The following ICA1L variants were observed in gnomAD, a reference collection of about 807,000 sequenced individuals.
ICA1L encodes the protein islet cell autoantigen 1 like.
A neutral mutation model predicts 61.3 loss-of-function variants in ICA1L; 50 were observed. The observed-to-expected ratio is 0.82, with a 90% confidence interval of 0.65 to 1.03. The LOEUF (loss-of-function observed/expected upper bound fraction) is 1.03, where lower values mean the gene tolerates loss of function less well. ICA1L is among the 50% of genes least tolerant of loss of function. The pLI, the probability that ICA1L is intolerant of heterozygous loss-of-function variation, is 0.00. For synonymous variants in ICA1L, 161 were observed against 191.3 expected (o/e 0.84, Z 1.31); for missense variants, 508 against 556.7 (o/e 0.91, Z 0.88).
chr2:202,826,824 G>A (rs1238233820), intron 2 of ICA1L, among the ~76,000 whole-genome samples: 1 of 151,584 alleles, frequency 6.6e-6, no homozygotes, highest in Non-Finnish European at 1.5e-5. Context: ...AGTTCAAGAA[G>A]ACCTTGGTAC....
At chr2:202,779,732 T>A in intron 12 of ICA1L, 84 bp from the exon 13 acceptor site, 1 of 729,306 alleles carries the variant, frequency 1.4e-6, no homozygotes, top group Non-Finnish European at 2.3e-6. Context: ...TTGAAGTAGG[T>A]GCTTCTTTTG....
At chr2:202,827,687 TC>T (rs1402798108) in intron 2 of ICA1L, among the ~76,000 whole-genome samples, 1 of 152,158 alleles carries the variant, frequency 6.6e-6, no homozygotes. Context: ...TGGAACAAGT[TC>T]CTGTTGCGTT....
intron 3 of ICA1L, among the ~76,000 whole-genome samples, chr2:202,824,195 G>A (rs1693771888): frequency 6.6e-6 from 1 of 152,090 alleles, no homozygotes; most frequent in Non-Finnish European, 1.5e-5. Context: ...GAGGATAGGA[G>A]TTCAAGACCA....
At chr2:202,799,133 G>T (rs1693022830) in intron 9 of ICA1L, among the ~76,000 whole-genome samples, 1 of 152,106 alleles carries the variant, frequency 6.6e-6, no homozygotes, top group East Asian at 1.9e-4. Context: ...TCTTTGGATA[G>T]ATAACCACTA....
chr2:202,819,863 T>C lies in ICA1L; in HGVS notation c.396A>G (p.Gln132=). Residue 132 remains glutamine, a synonymous_variant, in exon 5 of 13, where the codon CAA becomes CAG. Coordinates refer to ENST00000358299, the MANE Select transcript of ICA1L (RefSeq NM_001288622.3). ...CCCTTTGACTGAATGTTGCTACTTC[T>C]TGCTTCAGACGAGACAGAGGAGTAC... The part of the protein sequence containing the change: ...ALCTPLSRLK[Q]EVATFSQRAV... 6.2e-7 allele frequency: 1 copy of C among 1,614,176 alleles called. No homozygotes were observed. Among genetic ancestry groups the C allele is most frequent in the Non-Finnish European group, 8.5e-7 (1 of 1,180,024 alleles).
At chr2:202,842,130 C>T (rs911373761) in intron 1 of ICA1L, among the ~76,000 whole-genome samples, 1 of 152,206 alleles carries the variant, frequency 6.6e-6, no homozygotes, top group Non-Finnish European at 1.5e-5. Flanking sequence ...GCTGGGATTA[C>T]AGGCATGGGC....
intron 9 of ICA1L, among the ~76,000 whole-genome samples, chr2:202,797,182 C>T (rs1463166949): frequency 8.4e-6 from 1 of 119,686 alleles, no homozygotes; most frequent in Non-Finnish European, 1.9e-5. Context: ...ATAAATGAAA[C>T]ATAATACCAG....
At chr2:202,868,230 A>G (rs943944015) in intron 1 of ICA1L, among the ~76,000 whole-genome samples, 1 of 152,242 alleles carries the variant, frequency 6.6e-6, no homozygotes, top group Non-Finnish European at 1.5e-5. Context: ...AACAAAAAAA[A>G]ACTTTTGATA....
intron 1 of ICA1L, among the ~76,000 whole-genome samples, chr2:202,843,410 C>T (rs1694381430): frequency 6.6e-6 from 1 of 152,178 alleles, no homozygotes; most frequent in South Asian, 2.1e-4. Flanking sequence ...AACCAACGTT[C>T]TGAGTTTCTG....
At chr2:202,795,008 T>TAAA (rs147407377) in intron 10 of ICA1L, among the ~76,000 whole-genome samples, 23 of 138,954 alleles carry the variant, frequency 1.7e-4, no homozygotes, top group South Asian at 2.2e-4. Flanking sequence ...AAGAAAATAA[T>TAAA]AAAAAAAAAA....
At chr2:202,865,622 C>T (rs981024672) in intron 1 of ICA1L, among the ~76,000 whole-genome samples, 5 of 152,136 alleles carry the variant, frequency 3.3e-5, no homozygotes, top group African/African-American at 1.2e-4. Context: ...GCAAAGATGT[C>T]TTTATTCACA....
In ICA1L at chr2:202,777,959, C is replaced by A. The variant is rs536978782; in HGVS notation, c.*1574G>T. 1 of 148,030 alleles carries A rather than the reference C, an allele frequency of 6.8e-6. No individual in the cohort carries two copies. Among genetic ancestry groups the A allele is most frequent in the African/African-American group, 2.5e-5 (1 of 39,844 alleles). The allele number at this position is 148,030 out of a possible 1,614,324, so 9.2% of individuals were successfully genotyped here. A position where few individuals can be genotyped will look rare whatever the true frequency, so the allele number is the denominator to read the frequency against. ...GCAGTGGCGCCATCTCAGCTCACTG[C>A]AAGCTCCGCCTCCCGGGTTCACGCC... On this transcript the variant is annotated 3_prime_UTR_variant, in exon 13 of 13. Transcript: ENST00000358299.
At chr2:202,808,517 C>T (rs1209497966) in intron 9 of ICA1L, among the ~76,000 whole-genome samples, 1 of 152,190 alleles carries the variant, frequency 6.6e-6, no homozygotes, top group Non-Finnish European at 1.5e-5. Flanking sequence ...CTGCTCTAGG[C>T]TGGGGAGTAG....
chr2:202,852,232 A>T (rs1190460364), intron 1 of ICA1L, among the ~76,000 whole-genome samples: 3 of 152,134 alleles, frequency 2.0e-5, no homozygotes, highest in African/African-American at 7.2e-5. Flanking sequence ...TCTTTATAGC[A>T]GCATGATTTA....
intron 12 of ICA1L, 151 bp from the exon 13 acceptor site, chr2:202,779,799 ATT>A (rs369496549): frequency 0.055 from 23,179 of 420,212 alleles, no homozygotes; most frequent in South Asian, 0.08. Flanking sequence ...TCCCTTTAAG[ATT>A]TTTTTTTTTT....
chr2:202,853,835 T>A (rs1034611200), intron 1 of ICA1L, among the ~76,000 whole-genome samples: 1 of 151,872 alleles, frequency 6.6e-6, no homozygotes, highest in Non-Finnish European at 1.5e-5. Flanking sequence ...TACAGACAAG[T>A]AAACGCTGAG....
intron 3 of ICA1L, among the ~76,000 whole-genome samples, chr2:202,822,315 C>A (rs573869204): frequency 7.4e-4 from 113 of 152,202 alleles, no homozygotes; most frequent in Middle Eastern, 3.4e-3. Context: ...GCATGAGCCA[C>A]AGTGGTTGGC....
intron 1 of ICA1L, among the ~76,000 whole-genome samples, chr2:202,839,978 A>G (rs1694277090): frequency 6.6e-6 from 1 of 151,604 alleles, no homozygotes; most frequent in African/African-American, 2.4e-5. Context: ...CCTGCCTGAC[A>G]TTTTATGGTT....
At chr2:202,829,826 A>C (rs1693964344) in intron 1 of ICA1L, among the ~76,000 whole-genome samples, 1 of 152,146 alleles carries the variant, frequency 6.6e-6, no homozygotes, top group Admixed American at 6.6e-5. Context: ...TTACTTTCTA[A>C]GTTTTGCTTT....
Sources: gnomAD v4.1 joint callset for allele counts (sites outside exome capture counted in the v4.1 genomes callset) on GRCh38, gnomAD v4.1.1 for gene constraint, MANE v1.5 for transcripts, NCBI Gene and HGNC (gene_info 2026-07-23, HGNC 2026-07-21) for gene names.